Variants in RAB7A observed in about 807,000 individuals in gnomAD.
RAB7A encodes the protein RAB7A, member RAS oncogene family.
RAB7A carries 2 observed loss-of-function variants against 24.5 expected under a neutral mutation model. That is an observed-to-expected ratio of 0.08 (90% confidence interval 0.03 to 0.26). The LOEUF is 0.26. Among genes scored for constraint, RAB7A ranks in the 10% least tolerant of loss-of-function variants. The pLI is 1.00. For missense variants in RAB7A, 118 were observed against 255.7 expected, an observed-to-expected ratio of 0.46 and a Z score of 3.67; for synonymous variants, 100 against 95.9, an observed-to-expected ratio of 1.04 and a Z score of -0.25.
Position 128,789,609 on chromosome 3 carries a change from AG to A in RAB7A, c.-8-5749del, listed in dbSNP as rs1933412115. 6.6e-5 allele frequency among the ~76,000 whole-genome samples: 10 copies of A among 152,246 alleles called. No individual in the cohort carries two copies. The South Asian group carries it at 2.1e-3, about 32-fold the overall frequency. On this transcript the variant is annotated intron_variant, in intron 1 of 5. Coordinates refer to ENST00000265062, the MANE Select transcript of RAB7A (RefSeq NM_004637.6). ...CAGCCTCTCAGAGTGCTGGGATTAC[AG>A]GCATGAGTCACCCATGCCTGGCCAT... is the stretch of plus-strand genomic sequence containing the variant.
intron 1 of RAB7A, among the ~76,000 whole-genome samples, chr3:128,782,415 G>T (rs1045325078): frequency 5.9e-5 from 9 of 152,064 alleles, no homozygotes; most frequent in African/African-American, 2.2e-4. Flanking sequence ...TCCTCCCTGT[G>T]CCCTTTTCCC....
intron 1 of RAB7A, among the ~76,000 whole-genome samples, chr3:128,728,870 T>A (rs2070406542): frequency 6.6e-6 from 1 of 152,200 alleles, no homozygotes. Flanking sequence ...ATGCTGGATT[T>A]TTTTCTTCAG....
chr3:128,783,824 G>A (rs533401843), intron 1 of RAB7A, among the ~76,000 whole-genome samples: 1 of 152,322 alleles, frequency 6.6e-6, no homozygotes, highest in Non-Finnish European at 1.5e-5. Context: ...CCAGTAAAAT[G>A]TTTTGACCAG....
chr3:128,767,074 C>A (rs2070838981), intron 1 of RAB7A, among the ~76,000 whole-genome samples: 1 of 152,118 alleles, frequency 6.6e-6, no homozygotes, highest in African/African-American at 2.4e-5. Context: ...TTGCTGCAGC[C>A]TTCATGCCTA....
chr3:128,761,384 C>T (rs954456046), intron 1 of RAB7A, among the ~76,000 whole-genome samples: 2 of 152,172 alleles, frequency 1.3e-5, no homozygotes, highest in Non-Finnish European at 2.9e-5. Flanking sequence ...CCATCCCACT[C>T]GGAGGAAGAA....
chr3:128,785,745 T>TG (rs1264501052), intron 1 of RAB7A, among the ~76,000 whole-genome samples: 4 of 101,796 alleles, frequency 3.9e-5, no homozygotes, highest in African/African-American at 1.5e-4. Context: ...CAAGACTGTC[T>TG]CAAAAAAAAA....
chr3:128,802,593 C>T (rs1033260581), intron 3 of RAB7A, among the ~76,000 whole-genome samples: 1 of 147,502 alleles, frequency 6.8e-6, no homozygotes, highest in African/African-American at 2.6e-5. Context: ...TCACTGCAAC[C>T]TCCGCCTCCT....
chr3:128,808,645 T>G (rs1183165312), intron 5 of RAB7A, among the ~76,000 whole-genome samples: 2 of 152,192 alleles, frequency 1.3e-5, no homozygotes, highest in African/African-American at 4.8e-5. Context: ...GAAAGTCTGT[T>G]TTGATGTACA....
intron 1 of RAB7A, among the ~76,000 whole-genome samples, chr3:128,762,642 T>G (rs1163811395): frequency 2.6e-5 from 4 of 152,208 alleles, no homozygotes; most frequent in Admixed American, 6.5e-5. Context: ...AGGTTTGCTT[T>G]GGGGCATTTC....
At chr3:128,765,692 C>CT (rs1349970940) in intron 1 of RAB7A, among the ~76,000 whole-genome samples, 2 of 151,916 alleles carry the variant, frequency 1.3e-5, no homozygotes, top group Non-Finnish European at 2.9e-5. Flanking sequence ...CCTAAGGGCC[C>CT]TAGTCCCATT....
chr3:128,783,842 T>G (rs1398990622), intron 1 of RAB7A, among the ~76,000 whole-genome samples: 1 of 152,258 alleles, frequency 6.6e-6, no homozygotes, highest in Non-Finnish European at 1.5e-5. Flanking sequence ...CAGTTATTTT[T>G]AACATGCTGA....
At chr3:128,791,184 C>T (rs1181943716) in intron 1 of RAB7A, among the ~76,000 whole-genome samples, 1 of 151,838 alleles carries the variant, frequency 6.6e-6, no homozygotes, top group African/African-American at 2.4e-5. Flanking sequence ...TCTTGTTGCC[C>T]AGGCTGGAGT....
chr3:128,776,984 A>ACC (rs1472080806), intron 1 of RAB7A, among the ~76,000 whole-genome samples: 3 of 132,854 alleles, frequency 2.3e-5, no homozygotes, highest in South Asian at 4.9e-4. Context: ...ACACACACAC[A>ACC]CACCCCTATT....
intron 1 of RAB7A, among the ~76,000 whole-genome samples, chr3:128,793,648 C>T (rs560943206): frequency 1.5e-3 from 223 of 152,278 alleles, no homozygotes; most frequent in African/African-American, 5.2e-3. Context: ...CCAGTCAAAG[C>T]GGTCCCTGGG....
intron 1 of RAB7A, among the ~76,000 whole-genome samples, chr3:128,787,624 A>G (rs1320893014): frequency 6.6e-6 from 1 of 152,230 alleles, no homozygotes; most frequent in Non-Finnish European, 1.5e-5. Context: ...ATGGCTTTGC[A>G]GATATAGTAA....
At chr3:128,770,234 C>A (rs2070872703) in intron 1 of RAB7A, among the ~76,000 whole-genome samples, 1 of 152,114 alleles carries the variant, frequency 6.6e-6, no homozygotes, top group South Asian at 2.1e-4. Flanking sequence ...AACTCCTGAC[C>A]TTGTGATCCT....
intron 1 of RAB7A, chr3:128,764,660 T>G: frequency 1.1e-6 from 1 of 902,286 alleles, no homozygotes; most frequent in South Asian, 1.3e-5. Flanking sequence ...GTGGCTAGTT[T>G]GTGCAGTTCC....
intron 1 of RAB7A, among the ~76,000 whole-genome samples, chr3:128,743,008 C>T (rs781017143): frequency 4.6e-5 from 7 of 152,192 alleles, no homozygotes; most frequent in Admixed American, 2.0e-4. Context: ...TCGGGCTTCA[C>T]GGGAGCCCAC....
intron 4 of RAB7A, 88 bp from the exon 5 acceptor site, chr3:128,807,455 C>G (rs1254751548): frequency 6.3e-7 from 1 of 1,588,606 alleles, no homozygotes; most frequent in Non-Finnish European, 8.6e-7. Flanking sequence ...TACCTGTAGA[C>G]GAGGGGCCAT....
Sources: gnomAD v4.1 joint callset for allele counts (sites outside exome capture counted in the v4.1 genomes callset) on GRCh38, gnomAD v4.1.1 for gene constraint, MANE v1.5 for transcripts, NCBI Gene and HGNC (gene_info 2026-07-23, HGNC 2026-07-21) for gene names.